PEPD: variants seen among roughly 807,000 people sequenced by gnomAD.
PEPD encodes xaa-Pro dipeptidase.
In PEPD, 53 loss-of-function variants were observed where a neutral mutation model predicts 60.7. That is an observed-to-expected ratio of 0.87 (90% CI 0.70 to 1.10). PEPD has a LOEUF of 1.10. Ranked by LOEUF, PEPD falls within the 50% of genes least tolerant of loss-of-function variation. PEPD has a pLI of 0.00. For synonymous variants in PEPD, 267 were observed against 284.1 expected (o/e 0.94, Z 0.60); for missense variants, 711 against 711.9 (o/e 1.00, Z 0.01).
At chr19:33,416,768 G>A (rs1375499398) in intron 9 of PEPD, among the ~76,000 whole-genome samples, 2 of 152,258 alleles carry the variant, frequency 1.3e-5, no homozygotes, top group Non-Finnish European at 2.9e-5. Context: ...GACTCGGGTA[G>A]AAGAGGCTTG....
chr19:33,515,815 C>T (rs536280187), intron 1 of PEPD, among the ~76,000 whole-genome samples: 34 of 152,192 alleles, frequency 2.2e-4, no homozygotes, highest in Admixed American at 1.8e-3. Context: ...TTAATCATAA[C>T]AGGTGCTGGC....
chr19:33,420,425 G>A (rs376956720), intron 9 of PEPD, among the ~76,000 whole-genome samples: 5 of 152,216 alleles, frequency 3.3e-5, no homozygotes, highest in Admixed American at 6.5e-5. Flanking sequence ...AGCTGTGGCC[G>A]GGCGTGGTGG....
intron 11 of PEPD, 144 bp downstream of exon 11, chr19:33,411,528 G>T (rs1251978565): frequency 1.4e-6 from 1 of 690,954 alleles, no homozygotes; most frequent in Non-Finnish European, 2.7e-6. Flanking sequence ...CCTTGGCAGA[G>T]AAGTCTGGGC....
chr19:33,495,751 T>C (rs935101949), intron 4 of PEPD, among the ~76,000 whole-genome samples: 6 of 151,990 alleles, frequency 3.9e-5, no homozygotes, highest in African/African-American at 1.4e-4. Context: ...TTGGGAAGGC[T>C]GAGGCGGGTG....
At chr19:33,464,161 G>A in intron 7 of PEPD, 99 bp from the exon 8 acceptor site, 1 of 829,768 alleles carries the variant, frequency 1.2e-6, no homozygotes, top group Non-Finnish European at 2.1e-6. Context: ...ACCCTGCACA[G>A]CCCAGAAGGC....
intron 6 of PEPD, among the ~76,000 whole-genome samples, chr19:33,483,187 G>C (rs568346792): frequency 1.3e-5 from 2 of 152,252 alleles, no homozygotes; most frequent in Admixed American, 1.3e-4. Flanking sequence ...GTGCTTACAG[G>C]AAAACTCATA....
intron 12 of PEPD, among the ~76,000 whole-genome samples, chr19:33,393,821 C>T (rs917307310): frequency 6.6e-6 from 1 of 152,262 alleles, no homozygotes; most frequent in Non-Finnish European, 1.5e-5. Context: ...CTGCTGCATC[C>T]TCCAGAGGCC....
chr19:33,406,845 T>C (rs558126540), intron 11 of PEPD, among the ~76,000 whole-genome samples: 1 of 152,068 alleles, frequency 6.6e-6, no homozygotes, highest in East Asian at 1.9e-4. Flanking sequence ...CGCCATTATC[T>C]AGCCAGGGAA....
chr19:33,435,808 C>T (rs576503587), intron 9 of PEPD, among the ~76,000 whole-genome samples: 12 of 152,210 alleles, frequency 7.9e-5, no homozygotes, highest in Non-Finnish European at 1.6e-4. Flanking sequence ...CATGGCGTCC[C>T]TGGATTGGTC....
At chr19:33,520,680 T>C (rs114046643) in intron 1 of PEPD, among the ~76,000 whole-genome samples, 2,132 of 152,238 alleles carry the variant, frequency 0.014, 54 homozygotes, top group African/African-American at 0.048. Flanking sequence ...GTTGCCATTT[T>C]CCCTGTATCT....
chr19:33,391,456 G>T lies in PEPD; in HGVS notation c.991C>A (p.Arg331Ser). 1.3e-6 allele frequency: 2 copies of T among 1,552,984 alleles called. No homozygotes were observed. Among genetic ancestry groups the T allele is most frequent in the South Asian group, 1.2e-5 (1 of 84,386 alleles). Residue 331 changes from arginine (R) to serine (S), a missense_variant, in exon 13 of 15, where the codon CGC (arginine) becomes AGC (serine). Physicochemically the swap from Arg to Ser is moderately radical, Grantham distance 110 (BLOSUM62 -1). Coordinates refer to ENST00000244137, the MANE Select transcript of PEPD (RefSeq NM_000285.4). ...TCCAGGTGGATGCGGTCAGCCAGGC[G>T]GTGCATGTCAGGCCACCAGACACCT... is the stretch of plus-strand genomic sequence containing the variant. ...KPGVWWPDMH[R>S]LADRIHLEEL...
chr19:33,481,434 C>T (rs1457369785), intron 6 of PEPD, among the ~76,000 whole-genome samples: 1 of 151,852 alleles, frequency 6.6e-6, no homozygotes, highest in Non-Finnish European at 1.5e-5. Context: ...GGCGTGGTGG[C>T]TTGTGCCTGT....
At chr19:33,517,364 A>G (rs1040179176) in intron 1 of PEPD, among the ~76,000 whole-genome samples, 2 of 151,570 alleles carry the variant, frequency 1.3e-5, no homozygotes, top group African/African-American at 4.8e-5. Context: ...GTTCGATACC[A>G]CCTGGCCAAC....
intron 9 of PEPD, among the ~76,000 whole-genome samples, chr19:33,451,630 C>G (rs957376312): frequency 1.3e-5 from 2 of 152,284 alleles, no homozygotes; most frequent in Admixed American, 6.5e-5. Flanking sequence ...CACGGGGAGG[C>G]TCTCCATTTG....
chr19:33,501,217 C>T (rs1413183833), intron 3 of PEPD, among the ~76,000 whole-genome samples: 5 of 152,166 alleles, frequency 3.3e-5, no homozygotes, highest in Non-Finnish European at 7.3e-5. Context: ...ACCACAGCTG[C>T]TTTCCTCAGC....
chr19:33,398,721 G>A (rs1387971489), intron 12 of PEPD, among the ~76,000 whole-genome samples: 2 of 152,270 alleles, frequency 1.3e-5, no homozygotes, highest in Admixed American at 1.3e-4. Flanking sequence ...GCTTCGTGGA[G>A]GCTGGATTGG....
chr19:33,464,961 G>A (rs1326801758), intron 7 of PEPD, among the ~76,000 whole-genome samples: 2 of 152,168 alleles, frequency 1.3e-5, no homozygotes, highest in Admixed American at 6.5e-5. Flanking sequence ...GCACCGGCCT[G>A]GGAGAAAGGC....
chr19:33,495,217 T>G (rs1333354915), intron 4 of PEPD, among the ~76,000 whole-genome samples: 1 of 151,808 alleles, frequency 6.6e-6, no homozygotes, highest in Non-Finnish European at 1.5e-5. Flanking sequence ...TTCCTTAAAA[T>G]TAAATGCCAG....
intron 9 of PEPD, among the ~76,000 whole-genome samples, chr19:33,454,639 A>G (rs921303374): frequency 5.3e-5 from 8 of 151,958 alleles, no homozygotes; most frequent in African/African-American, 1.9e-4. Context: ...TACAATTTCA[A>G]GTTTAAAAAA....
Sources: allele counts gnomAD v4.1 joint callset (sites outside exome capture counted in the v4.1 genomes callset), GRCh38; gene constraint gnomAD v4.1.1; transcripts MANE v1.5; gene names NCBI Gene and HGNC (gene_info 2026-07-23, HGNC 2026-07-21).